Variants in COL14A1 observed in about 807,000 individuals in gnomAD.
The protein encoded by COL14A1 is collagen alpha-1(XIV) chain.
In COL14A1, 136 loss-of-function variants were observed where a neutral mutation model predicts 230.3. That is an observed-to-expected ratio of 0.59 (90% CI 0.51 to 0.68). COL14A1 has a LOEUF of 0.68. Among genes scored for constraint, COL14A1 ranks in the 30% least tolerant of loss-of-function variants. The probability of loss-of-function intolerance (pLI) is 0.00; values close to 1 mark genes in which losing one functional copy is unlikely to be tolerated. For missense variants in COL14A1, 1,976 were observed against 2,215.8 expected (o/e 0.89, Z 2.17); for synonymous variants, 792 against 784.1 (o/e 1.01, Z -0.17).
intron 19 of COL14A1, among the ~76,000 whole-genome samples, chr8:120,237,409 G>T (rs1818479640): frequency 6.6e-6 from 1 of 152,050 alleles, no homozygotes; most frequent in Non-Finnish European, 1.5e-5. Flanking sequence ...TTTGGCTATT[G>T]ATACCTGTGT....
chr8:120,275,831 T>A (rs527931920), intron 26 of COL14A1, among the ~76,000 whole-genome samples: 1 of 151,798 alleles, frequency 6.6e-6, no homozygotes, highest in African/African-American at 2.4e-5. Context: ...CAAAAAACAA[T>A]AGATGTCGGT....
intron 9 of COL14A1, 22 bp downstream of exon 9, chr8:120,203,892 T>A (rs777307912): frequency 6.2e-7 from 1 of 1,609,266 alleles, no homozygotes; most frequent in Non-Finnish European, 8.5e-7. Context: ...GACAGAGCAG[T>A]CCTGTGGATG....
chr8:120,161,936 A>C (rs1425473448), intron 3 of COL14A1, among the ~76,000 whole-genome samples: 17 of 152,186 alleles, frequency 1.1e-4, no homozygotes, highest in Non-Finnish European at 1.0e-4. Context: ...AAGTGCAAGG[A>C]TTACAGGCGT....
At chr8:120,258,155 AAG>A (rs1210882694) in intron 23 of COL14A1, among the ~76,000 whole-genome samples, 1 of 152,186 alleles carries the variant, frequency 6.6e-6, no homozygotes, top group Non-Finnish European at 1.5e-5. Context: ...AGAAGTCCAA[AAG>A]TCTCTGGCTT....
intron 45 of COL14A1, among the ~76,000 whole-genome samples, chr8:120,365,945 AT>A (rs1823394476): frequency 6.6e-6 from 1 of 152,208 alleles, no homozygotes; most frequent in Non-Finnish European, 1.5e-5. Context: ...ACTGCAAGAG[AT>A]CATTACGGGG....
intron 12 of COL14A1, among the ~76,000 whole-genome samples, chr8:120,210,557 A>T (rs1258467015): frequency 6.6e-6 from 1 of 152,182 alleles, no homozygotes; most frequent in Non-Finnish European, 1.5e-5. Context: ...TTTTGAATTT[A>T]TTCCATTTTA....
intron 14 of COL14A1, among the ~76,000 whole-genome samples, chr8:120,217,431 T>A (rs1164732657): frequency 6.6e-6 from 1 of 152,212 alleles, no homozygotes; most frequent in Non-Finnish European, 1.5e-5. Flanking sequence ...CTTGGTCCAG[T>A]AAGCTAAGGC....
intron 23 of COL14A1, 33 bp from the exon 24 acceptor site, chr8:120,262,835 G>A (rs760569030): frequency 6.3e-7 from 1 of 1,580,530 alleles, no homozygotes; most frequent in Non-Finnish European, 8.5e-7. Flanking sequence ...TTTCATATGT[G>A]TGTGTTTTTG....
intron 8 of COL14A1, among the ~76,000 whole-genome samples, chr8:120,202,166 A>C (rs1817270654): frequency 6.6e-6 from 1 of 151,688 alleles, no homozygotes; most frequent in Admixed American, 6.6e-5. Flanking sequence ...GAACTAATTT[A>C]TATGTTTATT....
chr8:120,182,726 G>GGTTTTTTTTTTTTTTTT (rs1554603200), intron 5 of COL14A1, among the ~76,000 whole-genome samples: 3 of 129,014 alleles, frequency 2.3e-5, no homozygotes, highest in Non-Finnish European at 3.3e-5. Flanking sequence ...ATTTTTCTTC[G>GGTTTTTTTTTTTTTTTT]TTTTTTTTTT....
chr8:120,254,821 C>CCAA (rs1819087774), intron 22 of COL14A1, among the ~76,000 whole-genome samples: 1 of 93,682 alleles, frequency 1.1e-5, no homozygotes, highest in East Asian at 2.8e-4. Context: ...ACTGCCTCTA[C>CCAA]AAAAAAAAAA....
chr8:120,292,530 C>G (rs1436812852), intron 34 of COL14A1, among the ~76,000 whole-genome samples: 1 of 152,074 alleles, frequency 6.6e-6, no homozygotes, highest in Non-Finnish European at 1.5e-5. Flanking sequence ...ATTGGAAACT[C>G]AGACTTGCTT....
At chr8:120,181,358 G>A (rs1816459074) in intron 5 of COL14A1, among the ~76,000 whole-genome samples, 1 of 152,154 alleles carries the variant, frequency 6.6e-6, no homozygotes, top group African/African-American at 2.4e-5. Flanking sequence ...AGCATAATTT[G>A]ACCATTAAGA....
At chr8:120,273,351 C>G (rs140668458) in intron 26 of COL14A1, among the ~76,000 whole-genome samples, 29 of 151,708 alleles carry the variant, frequency 1.9e-4, no homozygotes, top group African/African-American at 6.3e-4. Flanking sequence ...TGAAAAAGCA[C>G]AAATTGGCAA....
At chr8:120,281,425 C>CA (rs1820034842) in intron 31 of COL14A1, among the ~76,000 whole-genome samples, 1 of 151,778 alleles carries the variant, frequency 6.6e-6, no homozygotes, top group Admixed American at 6.6e-5. Context: ...ATTAGCTGGG[C>CA]ATTGTAGTGT....
intron 31 of COL14A1, among the ~76,000 whole-genome samples, chr8:120,283,413 A>G (rs561147302): frequency 1.9e-4 from 29 of 152,338 alleles, no homozygotes; most frequent in African/African-American, 7.0e-4. Flanking sequence ...AAGGAAATGG[A>G]AAATGACTAT....
intron 33 of COL14A1, among the ~76,000 whole-genome samples, chr8:120,289,111 A>G (rs1237383066): frequency 6.6e-6 from 1 of 152,170 alleles, no homozygotes; most frequent in African/African-American, 2.4e-5. Context: ...ACCTGGGTTC[A>G]CCAGAAAGCA....
In COL14A1 at chr8:120,281,073, G is replaced by A. The variant is rs531384155; in HGVS notation, c.3824+14G>A. ...CCAGCCAACCAGGTATGTTTCTGTTGAAAGATTTTAAAGTCATCGTATGTT... is the reference window on the plus strand; with the variant it reads ...CCAGCCAACCAGGTATGTTTCTGTTAAAAGATTTTAAAGTCATCGTATGTT... On this transcript the variant is annotated intron_variant, in intron 31 of 47. Coordinates refer to ENST00000297848, the MANE Select transcript of COL14A1 (RefSeq NM_021110.4). 6.3e-7 allele frequency: 1 copy of A among 1,596,420 alleles called. No individual in the cohort carries two copies. Among genetic ancestry groups the A allele is most frequent in the South Asian group, 1.1e-5 (1 of 87,974 alleles).
rs150530188 is a variant in COL14A1, at chr8:120,253,769, T to C, written c.2753-1471T>C. ...TGAAACCCTGTCTCTACTAAAAATA[T>C]AAAAGTTAGTCGGGTGTGGCGGCAT... On this transcript the variant is annotated intron_variant, in intron 22 of 47. Coordinates refer to ENST00000297848, the MANE Select transcript of COL14A1 (RefSeq NM_021110.4). Among the ~76,000 whole-genome samples, 1,365 of 151,840 alleles carry C rather than the reference T, an allele frequency of 9.0e-3. 16 individuals are homozygous for C. The highest frequency in any genetic ancestry group is 0.031 in the African/African-American group (1,292 of 41,402).
Sources: gnomAD v4.1 joint callset for allele counts (sites outside exome capture counted in the v4.1 genomes callset) on GRCh38, gnomAD v4.1.1 for gene constraint, MANE v1.5 for transcripts, NCBI Gene and HGNC (gene_info 2026-07-23, HGNC 2026-07-21) for gene names.